Variants in EPG5 observed in about 807,000 individuals in gnomAD.
The protein encoded by EPG5 is ectopic P granules protein 5 homolog.
In EPG5, 159 loss-of-function variants were observed where a neutral mutation model predicts 302.7. The ratio of observed to expected loss-of-function variants is 0.53; its 90% CI spans 0.46 to 0.60. EPG5 has a LOEUF of 0.60. Ranked by LOEUF, EPG5 falls within the 20% of genes least tolerant of loss-of-function variation. The pLI, the probability that EPG5 is intolerant of heterozygous loss-of-function variation, is 0.00. For synonymous variants in EPG5, 1,158 were observed against 1,136.8 expected (o/e 1.02, Z -0.37); for missense variants, 2,896 against 3,092.4 (o/e 0.94, Z 1.51).
chr18:45,908,225 C>T (rs2049806453), intron 23 of EPG5, 144 bp from the exon 24 acceptor site: 7 of 591,038 alleles, frequency 1.2e-5, no homozygotes, highest in Non-Finnish European at 1.9e-5. Context: ...ACCACCACGG[C>T]TCCCAGAGAA....
At chr18:45,906,374 C>G (rs2049751997) in intron 24 of EPG5, among the ~76,000 whole-genome samples, 1 of 152,160 alleles carries the variant, frequency 6.6e-6, no homozygotes, top group South Asian at 2.1e-4. Flanking sequence ...TCCTACTCAT[C>G]TCTCTGGTTT....
chr18:45,878,950 T>C, intron 33 of EPG5, 63 bp downstream of exon 33: 1 of 1,350,996 alleles, frequency 7.4e-7, no homozygotes, highest in Non-Finnish European at 1.1e-6. Context: ...AATGTGCCTA[T>C]TTAAATCTCT....
At chr18:45,931,591 T>C (rs1351669754) in intron 11 of EPG5, among the ~76,000 whole-genome samples, 1 of 152,206 alleles carries the variant, frequency 6.6e-6, no homozygotes, top group East Asian at 1.9e-4. Flanking sequence ...CCCAGCACTT[T>C]CAGAGGCCAA....
intron 5 of EPG5, 102 bp from the exon 6 acceptor site, chr18:45,948,678 C>T (rs1489616956): frequency 1.1e-6 from 1 of 894,278 alleles, no homozygotes. Context: ...GTTAAGAGAA[C>T]AAAGCTGAAA....
chr18:45,957,510 C>A (rs2051058180), intron 1 of EPG5, among the ~76,000 whole-genome samples: 2 of 152,126 alleles, frequency 1.3e-5, no homozygotes, highest in Admixed American at 1.3e-4. Flanking sequence ...GGTTCTTAGA[C>A]TGAGAAATCA....
At chr18:45,940,060 G>A (rs1599618622) in intron 9 of EPG5, among the ~76,000 whole-genome samples, 2 of 152,294 alleles carry the variant, frequency 1.3e-5, no homozygotes, top group South Asian at 2.1e-4. Flanking sequence ...GGAGGTGGAG[G>A]GGTGGGCAGG....
At chr18:45,837,471 A>G in the EPG5 span, 47 of 1,431,000 alleles carry the variant, frequency 3.3e-5, no homozygotes, top group Non-Finnish European at 3.8e-5. Context: ...GGGCGCCTCG[A>G]CCCCAGGGCC....
At chr18:45,888,097 CT>C (rs962250811) in intron 28 of EPG5, among the ~76,000 whole-genome samples, 190 bp from the exon 29 acceptor site, 22 of 145,442 alleles carry the variant, frequency 1.5e-4, no homozygotes, top group East Asian at 2.0e-4. Flanking sequence ...AACTGATTTT[CT>C]TTTTTTTTTT....
At chr18:45,833,702 A>C in the EPG5 span, among the ~76,000 whole-genome samples, 1 of 152,214 alleles carries the variant, frequency 6.6e-6, no homozygotes, top group Non-Finnish European at 1.5e-5. Context: ...TCTCAAAAAG[A>C]GTTTACTGCT....
At chr18:45,867,440 T>C in intron 37 of EPG5, 123 bp downstream of exon 37, 1 of 762,460 alleles carries the variant, frequency 1.3e-6, no homozygotes, top group Non-Finnish European at 2.2e-6. Context: ...GTACATCTCA[T>C]ATGCCAAGCA....
chr18:45,955,487 GAACA>G (rs747281554), intron 1 of EPG5, 149 bp from the exon 2 acceptor site: 16 of 590,070 alleles, frequency 2.7e-5, no homozygotes, highest in Non-Finnish European at 4.6e-5. Context: ...GAACAGATAT[GAACA>G]AATATGAAAC....
In EPG5 at chr18:45,883,347, A is replaced by G. The variant is rs149330037; in HGVS notation, c.5305-860T>C. On this transcript the variant is annotated intron_variant, in intron 30 of 43. Coordinates refer to ENST00000282041, the MANE Select transcript of EPG5 (RefSeq NM_020964.3). ...CTGGTCTGCATCAGTTACCTGTCTCAGTTAATAAAATTCAGACTGTTGATA... is the reference window on the plus strand; with the variant it reads ...CTGGTCTGCATCAGTTACCTGTCTCGGTTAATAAAATTCAGACTGTTGATA... Among the ~76,000 whole-genome samples the G allele has an allele frequency of 4.1e-4, 62 of 152,230 alleles. 1 individual carries two copies. In the East Asian group the frequency reaches 0.011, roughly 28 times the overall value.
At position 45,915,418 on chromosome 18, in the gene EPG5, G is replaced by T. The variant is rs533522453; in HGVS notation, c.3693+93C>A. On this transcript the variant is annotated intron_variant, in intron 20 of 43. Transcript: ENST00000282041. Reference sequence around the variant, plus strand: ...ACACTAGAATAAGTGCTAAATAAAAGTTAGTTTAGACAATTAGTAATTTCT... The same window carrying T: ...ACACTAGAATAAGTGCTAAATAAAATTTAGTTTAGACAATTAGTAATTTCT... 84 of 896,876 alleles carry T rather than the reference G, an allele frequency of 9.4e-5. 1 individual carries two copies. The South Asian group carries it at 1.3e-3, about 13-fold the overall frequency. The allele number at this position is 896,876 out of a possible 1,614,324, so 55.6% of individuals were successfully genotyped here.
rs1409919994 is a variant in EPG5 at position 45,870,738 on chromosome 18, C to T, written c.6054G>A (p.Lys2018=). Residue 2018 remains lysine (K), a synonymous_variant, in exon 36 of 44, where the codon AAG becomes AAA. Coordinates refer to ENST00000282041, the MANE Select transcript of EPG5 (RefSeq NM_020964.3). ...IDSLHESFKD[K]LLPGDAGALW... ...GGGCTCCTGCATCACCTGGCAACAG[C>T]TTATCTAGAATGTGAAAAGAAAATA... The T allele has an allele frequency of 3.1e-6, 5 of 1,593,922 alleles. No homozygotes were observed. The highest frequency in any genetic ancestry group is 4.3e-6 in the Non-Finnish European group (5 of 1,166,950).
chr18:45,807,335 C>A, the EPG5 span, among the ~76,000 whole-genome samples: 2 of 152,172 alleles, frequency 1.3e-5, no homozygotes, highest in African/African-American at 4.8e-5. Flanking sequence ...CTTGGGAGTT[C>A]TAGGGCCCTG....
chr18:45,832,110 G>A, the EPG5 span, among the ~76,000 whole-genome samples: 9 of 152,240 alleles, frequency 5.9e-5, no homozygotes, highest in Non-Finnish European at 1.2e-4. Context: ...CAGGACTAGT[G>A]AGGGAAGGGA....
chr18:45,897,442 T>TA (rs143646878), intron 27 of EPG5, among the ~76,000 whole-genome samples: 2,836 of 152,250 alleles, frequency 0.019, 104 homozygotes, highest in African/African-American at 0.065. Context: ...ACATTTTCAG[T>TA]TTTTTCCTCA....
chr18:45,903,894 A>G (rs1568137989), intron 25 of EPG5, 79 bp downstream of exon 25: 2 of 1,396,604 alleles, frequency 1.4e-6, no homozygotes, highest in Non-Finnish European at 9.6e-7. Context: ...GGAATAAAGT[A>G]TGTCAGCCTC....
At chr18:45,931,748 T>A (rs2050401954) in intron 11 of EPG5, among the ~76,000 whole-genome samples, 1 of 151,954 alleles carries the variant, frequency 6.6e-6, no homozygotes, top group African/African-American at 2.4e-5. Context: ...CGCAGGAGAA[T>A]CACTTGAACC....
Sources: allele counts gnomAD v4.1 joint callset (sites outside exome capture counted in the v4.1 genomes callset), GRCh38; gene constraint gnomAD v4.1.1; transcripts MANE v1.5; gene names NCBI Gene and HGNC (gene_info 2026-07-23, HGNC 2026-07-21).